AP1G1: variants seen among roughly 807,000 people sequenced by gnomAD.
AP1G1 encodes adaptor related protein complex 1 subunit gamma 1.
AP1G1 carries 7 observed loss-of-function variants against 108.3 expected under a neutral mutation model. The ratio of observed to expected loss-of-function variants is 0.06; its 90% confidence interval spans 0.04 to 0.12. AP1G1 has a LOEUF of 0.12. AP1G1 is among the 10% of genes least tolerant of loss of function. AP1G1 has a pLI of 1.00. For missense variants in AP1G1, 756 were observed against 1,010.7 expected, an observed-to-expected ratio of 0.75 and a Z score of 3.42; for synonymous variants, 379 against 353.5, an observed-to-expected ratio of 1.07 and a Z score of -0.81.
intron 2 of AP1G1, among the ~76,000 whole-genome samples, chr16:71,781,086 G>C (rs1470425365): frequency 6.6e-6 from 1 of 152,094 alleles, no homozygotes; most frequent in Non-Finnish European, 1.5e-5. Context: ...CCAAAGTGCT[G>C]GGATTATAGG....
In AP1G1 at chr16:71,733,119, T is replaced by C. The variant is rs1427729670; in HGVS notation, c.2408A>G (p.Lys803Arg). The C allele has an allele frequency of 1.2e-6, 2 of 1,614,160 alleles. No individual in the cohort carries two copies. Among genetic ancestry groups the C allele is most frequent in the East Asian group, 4.5e-5 (2 of 44,874 alleles). Residue 803 changes from lysine to arginine, a missense_variant, in exon 23 of 23, where the codon AAG (lysine) becomes AGG (arginine). Coordinates refer to ENST00000299980, the MANE Select transcript of AP1G1 (RefSeq NM_001128.6). ...RMRIKLTYNH[K>R]GSAMQDLAEV... is the part of the protein sequence containing the mutation. ...TGCTAGATCTTGCATTGCTGAGCCC[T>C]TGTGATTATATGTAAGCTTGATCCG... is the stretch of plus-strand genomic sequence containing the variant.
At chr16:71,804,203 T>C (rs1423418397) in intron 1 of AP1G1, among the ~76,000 whole-genome samples, 2 of 150,714 alleles carry the variant, frequency 1.3e-5, no homozygotes, top group African/African-American at 4.9e-5. Flanking sequence ...CGCACCATCA[T>C]GCCCAGCTAA....
chr16:71,747,634 T>C (rs535693852), intron 16 of AP1G1, among the ~76,000 whole-genome samples: 6 of 151,584 alleles, frequency 4.0e-5, no homozygotes, highest in Admixed American at 2.0e-4. Flanking sequence ...TATGGGGAAG[T>C]AGATTCTCAA....
intron 3 of AP1G1, 177 bp downstream of exon 3, chr16:71,774,291 T>A (rs1597068660): frequency 1.7e-6 from 1 of 599,194 alleles, no homozygotes; most frequent in Non-Finnish European, 2.8e-6. Flanking sequence ...GGCAGGAGAA[T>A]CACTTCAACC....
intron 6 of AP1G1, 86 bp from the exon 7 acceptor site, chr16:71,765,670 T>C (rs747929512): frequency 5.7e-6 from 6 of 1,059,306 alleles, no homozygotes; most frequent in Middle Eastern, 2.1e-4. Context: ...AGAAAAAGGG[T>C]GTAAGGGTCC....
chr16:71,789,027 C>G (rs765634141), intron 2 of AP1G1, among the ~76,000 whole-genome samples: 2 of 152,202 alleles, frequency 1.3e-5, no homozygotes, highest in African/African-American at 4.8e-5. Context: ...CCTGGTCAAT[C>G]TTTAAGCAAG....
At chr16:71,761,816 C>CAA (rs375647068) in intron 9 of AP1G1, among the ~76,000 whole-genome samples, 2,396 of 43,312 alleles carry the variant, frequency 0.055, 114 homozygotes, top group African/African-American at 0.15. Context: ...GACTCCATCT[C>CAA]AAAAAAAAAA....
intron 1 of AP1G1, among the ~76,000 whole-genome samples, chr16:71,796,716 A>G (rs1202744132): frequency 6.6e-6 from 1 of 152,186 alleles, no homozygotes; most frequent in Non-Finnish European, 1.5e-5. Flanking sequence ...CATCCCTCTA[A>G]GAGGACTTAA....
Position 71,806,876 on chromosome 16 carries a change from A to T in AP1G1, c.-4+1887T>A, listed in dbSNP as rs756050898. On this transcript the variant is annotated intron_variant, in intron 1 of 22. Transcript: ENST00000299980. ...AAATATTGTTTTCTTCTGAGACATCATATGACCTATAGAGGAATTTATCTA... is the reference window on the plus strand; with the variant it reads ...AAATATTGTTTTCTTCTGAGACATCTTATGACCTATAGAGGAATTTATCTA... 58 of 347,904 alleles carry T rather than the reference A, an allele frequency of 1.7e-4. 1 individual carries two copies. Among genetic ancestry groups the T allele is most frequent in the Non-Finnish European group, 2.5e-4 (47 of 189,404 alleles). The allele number at this position is 347,904 out of a possible 1,614,324, so 21.6% of individuals were successfully genotyped here. A position where few individuals can be genotyped will look rare whatever the true frequency, so the allele number is the denominator to read the frequency against.
chr16:71,807,824 G>A (rs1289222006), intron 1 of AP1G1: 11 of 1,289,106 alleles, frequency 8.5e-6, no homozygotes, highest in Non-Finnish European at 1.0e-5. Flanking sequence ...TTTTCTCCAT[G>A]GACAGATTTC....
chr16:71,753,057 T>G (rs1457354258), intron 13 of AP1G1, among the ~76,000 whole-genome samples: 2 of 152,210 alleles, frequency 1.3e-5, no homozygotes. Context: ...CTTTTTGTTA[T>G]TCAATTTTTA....
intron 11 of AP1G1, among the ~76,000 whole-genome samples, chr16:71,756,843 G>A (rs1051380662): frequency 6.6e-6 from 1 of 151,370 alleles, no homozygotes; most frequent in Non-Finnish European, 1.5e-5. Context: ...TAGGGAGGCT[G>A]AGGTAGGAGA....
chr16:71,758,446 T>C (rs1244136747), intron 11 of AP1G1: 1 of 526,040 alleles, frequency 1.9e-6, no homozygotes, highest in Non-Finnish European at 3.8e-6. Flanking sequence ...GACAAGACAC[T>C]TAGCCGATGG....
intron 21 of AP1G1, among the ~76,000 whole-genome samples, chr16:71,737,911 C>T (rs559408441): frequency 1.3e-5 from 2 of 152,388 alleles, no homozygotes; most frequent in African/African-American, 4.8e-5. Context: ...ATTTACATGT[C>T]ATCTACAGCT....
chr16:71,733,527 G>A (rs189320863), intron 22 of AP1G1, among the ~76,000 whole-genome samples: 6 of 152,102 alleles, frequency 3.9e-5, no homozygotes, highest in Admixed American at 1.3e-4. Flanking sequence ...CGCCACACCA[G>A]ACTAATATTT....
intron 17 of AP1G1, 132 bp from the exon 18 acceptor site, chr16:71,745,746 T>C (rs201375048): frequency 1.2e-5 from 9 of 776,388 alleles, no homozygotes; most frequent in East Asian, 7.4e-5. Context: ...CACACTAAAA[T>C]AGAAGGTAGA....
intron 1 of AP1G1, among the ~76,000 whole-genome samples, chr16:71,792,629 G>A (rs1333675386): frequency 6.6e-6 from 1 of 152,102 alleles, no homozygotes; most frequent in Non-Finnish European, 1.5e-5. Flanking sequence ...TGAGATGGGT[G>A]GATCACCTGA....
intron 7 of AP1G1, among the ~76,000 whole-genome samples, chr16:71,765,183 A>G (rs975185603): frequency 2.0e-5 from 3 of 152,282 alleles, no homozygotes; most frequent in Non-Finnish European, 4.4e-5. Context: ...TCTACAAAAT[A>G]TACAAAATGA....
chr16:71,773,136 C>T, intron 4 of AP1G1, 85 bp downstream of exon 4: 2 of 1,444,876 alleles, frequency 1.4e-6, no homozygotes, highest in Admixed American at 1.7e-5. Context: ...ACATTATCAT[C>T]AGATCTTTCA....
Sources: allele counts gnomAD v4.1 joint callset (sites outside exome capture counted in the v4.1 genomes callset), GRCh38; gene constraint gnomAD v4.1.1; transcripts MANE v1.5; gene names NCBI Gene and HGNC (gene_info 2026-07-23, HGNC 2026-07-21).